The following STPG2 variants were observed in gnomAD, a reference collection of about 807,000 sequenced individuals.
STPG2 encodes the protein sperm tail PG-rich repeat containing 2.
In STPG2, 56 loss-of-function variants were observed where a neutral mutation model predicts 54.2. The ratio of observed to expected loss-of-function variants is 1.03; its 90% CI spans 0.83 to 1.29. The LOEUF (loss-of-function observed/expected upper bound fraction) is 1.29, where lower values mean the gene tolerates loss of function less well. Among genes scored for constraint, STPG2 ranks in the 50% most tolerant of loss-of-function variants. The pLI, the probability that STPG2 is intolerant of heterozygous loss-of-function variation, is 0.00. For synonymous variants in STPG2, 200 were observed against 181.8 expected (o/e 1.10, Z -0.81); for missense variants, 596 against 544.9 (o/e 1.09, Z -0.93).
chr4:97,707,756 T>C (rs1307191681), intron 10 of STPG2, among the ~76,000 whole-genome samples: 2 of 152,098 alleles, frequency 1.3e-5, no homozygotes, highest in African/African-American at 4.8e-5. Flanking sequence ...GATTGATGTG[T>C]CAAACCTAAT....
Position 97,479,767 on chromosome 4 carries a change from C to A in STPG2, c.462+232932G>T, listed in dbSNP as rs1730172141. Among the ~76,000 whole-genome samples the A allele has an allele frequency of 2.0e-5, 3 of 151,944 alleles. No individual in the cohort carries two copies. In the South Asian group the frequency reaches 6.2e-4, roughly 31 times the overall value. On this transcript the variant is annotated intron_variant, in intron 4 of 4. Transcript: ENST00000522676. The stretch of plus-strand genomic sequence containing the variant: ...AAAATTTACTCTCTTTTATTCAACT[C>A]CTAGAAAACTAGGCAAAATATATGA...
At chr4:98,073,888 G>A (rs1212555073) in intron 5 of STPG2, among the ~76,000 whole-genome samples, 1 of 152,040 alleles carries the variant, frequency 6.6e-6, no homozygotes, top group Non-Finnish European at 1.5e-5. Context: ...GCTTATAAGA[G>A]AAAAAATCAA....
chr4:97,709,567 T>G (rs1468474827), intron 10 of STPG2, among the ~76,000 whole-genome samples: 5 of 151,620 alleles, frequency 3.3e-5, no homozygotes, highest in African/African-American at 1.2e-4. Flanking sequence ...TATTTAAATC[T>G]TTTCTAATAT....
intron 8 of STPG2, among the ~76,000 whole-genome samples, chr4:97,922,927 T>C (rs921178153): frequency 6.6e-6 from 1 of 152,218 alleles, no homozygotes; most frequent in Non-Finnish European, 1.5e-5. Flanking sequence ...TTCTTTATAC[T>C]CCTCCTTGCA....
At chr4:97,497,800 G>A (rs1355231468) in intron 4 of STPG2, among the ~76,000 whole-genome samples, 1 of 151,784 alleles carries the variant, frequency 6.6e-6, no homozygotes, top group African/African-American at 2.4e-5. Flanking sequence ...AAATTAGCAA[G>A]TTATCACTAA....
At position 97,736,329 on chromosome 4, in the gene STPG2, T is replaced by A. The variant is rs1387397086; in HGVS notation, c.1205-23515A>T. Among the ~76,000 whole-genome samples the A allele has an allele frequency of 2.0e-5, 3 of 152,130 alleles. No homozygotes were observed. In the South Asian group the frequency reaches 6.2e-4, roughly 31 times the overall value. On this transcript the variant is annotated intron_variant, in intron 9 of 10. Coordinates refer to ENST00000295268, the MANE Select transcript of STPG2 (RefSeq NM_174952.3). ...ATTTCCATCTGAGGTACCAGGTTCA[T>A]CTCACTAGGGAGTGCCAGACAGTGG... is the stretch of plus-strand genomic sequence containing the variant.
intron 9 of STPG2, among the ~76,000 whole-genome samples, chr4:97,718,295 AAATCACT>A (rs1724352133): frequency 6.6e-6 from 1 of 152,106 alleles, no homozygotes; most frequent in African/African-American, 2.4e-5. Context: ...ACATTAAAGA[AAATCACT>A]AATTTATACC....
At chr4:97,915,959 C>T (rs1389962043) in intron 8 of STPG2, among the ~76,000 whole-genome samples, 1 of 152,052 alleles carries the variant, frequency 6.6e-6, no homozygotes, top group Non-Finnish European at 1.5e-5. Flanking sequence ...CTGGTGATAG[C>T]AGATGGGGCA....
chr4:97,863,197 T>C (rs547297747), intron 8 of STPG2, among the ~76,000 whole-genome samples: 11 of 152,142 alleles, frequency 7.2e-5, no homozygotes, highest in African/African-American at 2.2e-4. Flanking sequence ...GATAGACCGC[T>C]AGCAAGACTA....
chr4:98,111,278 T>C (rs1739340766), intron 3 of STPG2, among the ~76,000 whole-genome samples: 1 of 152,120 alleles, frequency 6.6e-6, no homozygotes, highest in African/African-American at 2.4e-5. Context: ...AAACTGGAGA[T>C]AAACTCTTAG....
chr4:97,639,169 A>C (rs1357196141), intron 10 of STPG2, among the ~76,000 whole-genome samples: 2 of 152,260 alleles, frequency 1.3e-5, no homozygotes, highest in East Asian at 1.9e-4. Context: ...GCAGCCATAA[A>C]AAATGATGAG....
In STPG2 at chr4:98,105,963, T is replaced by C. The variant is rs772206621; in HGVS notation, c.602A>G (p.Glu201Gly). 1.3e-6 allele frequency: 2 copies of C among 1,568,086 alleles called. No homozygotes were observed. Among genetic ancestry groups the C allele is most frequent in the Non-Finnish European group, 8.7e-7 (1 of 1,146,002 alleles). Reference sequence around the variant, plus strand: ...CACTTTTCAACTTACCTTTTTTTTCTCCTGCAATACTATTATTTCATATAG... The same window carrying C: ...CACTTTTCAACTTACCTTTTTTTTCCCCTGCAATACTATTATTTCATATAG... ...PRLYEIIVLQ[E>G]KKKRFLPMKS... Residue 201 changes from glutamate to glycine, a missense_variant, in exon 5 of 11, where the codon GAG becomes GGG. Physicochemically the swap from Glu to Gly is moderately conservative, Grantham distance 98. Coordinates refer to ENST00000295268, the MANE Select transcript of STPG2 (RefSeq NM_174952.3).
intron 6 of STPG2, among the ~76,000 whole-genome samples, chr4:97,973,321 G>C (rs1734396751): frequency 6.6e-6 from 1 of 152,172 alleles, no homozygotes; most frequent in African/African-American, 2.4e-5. Flanking sequence ...GTGGAACTTT[G>C]AACTGGAGAG....
intron 5 of STPG2, among the ~76,000 whole-genome samples, chr4:98,020,474 A>T (rs1736141765): frequency 6.6e-6 from 1 of 151,546 alleles, no homozygotes; most frequent in African/African-American, 2.4e-5. Context: ...TTGGTCTAAA[A>T]TTCTCTTTTT....
At chr4:97,474,362 GA>G (rs1730020263) in intron 4 of STPG2, among the ~76,000 whole-genome samples, 1 of 152,046 alleles carries the variant, frequency 6.6e-6, no homozygotes, top group Non-Finnish European at 1.5e-5. Context: ...ATGAGAACAC[GA>G]AAAAGCGATA....
At chr4:97,686,636 G>A (rs970627898) in intron 10 of STPG2, among the ~76,000 whole-genome samples, 1 of 152,016 alleles carries the variant, frequency 6.6e-6, no homozygotes, top group African/African-American at 2.4e-5. Flanking sequence ...TTTGAAACGT[G>A]ACTCCTCCCC....
At chr4:97,672,863 G>C (rs920634044) in intron 10 of STPG2, among the ~76,000 whole-genome samples, 3 of 152,140 alleles carry the variant, frequency 2.0e-5, no homozygotes, top group Admixed American at 6.5e-5. Flanking sequence ...CAAAAGAAAA[G>C]GCAGTTGGAG....
At chr4:97,698,260 T>C (rs961558240) in intron 10 of STPG2, among the ~76,000 whole-genome samples, 13 of 152,150 alleles carry the variant, frequency 8.5e-5, no homozygotes, top group African/African-American at 3.1e-4. Flanking sequence ...GAGTTTCCCA[T>C]TAAGCTTAAT....
chr4:97,751,461 T>C (rs1725578632), intron 9 of STPG2, among the ~76,000 whole-genome samples: 1 of 151,844 alleles, frequency 6.6e-6, no homozygotes, highest in African/African-American at 2.4e-5. Flanking sequence ...CCAAACTGCA[T>C]GTACTCTTCA....
Sources: allele counts gnomAD v4.1 joint callset (sites outside exome capture counted in the v4.1 genomes callset), GRCh38; gene constraint gnomAD v4.1.1; transcripts MANE v1.5; gene names NCBI Gene and HGNC (gene_info 2026-07-23, HGNC 2026-07-21).